The following CRHR2 variants were observed in gnomAD, a reference collection of about 807,000 sequenced individuals.
CRHR2 encodes the protein corticotropin releasing hormone receptor 2.
In CRHR2, 53 loss-of-function variants were observed where a neutral mutation model predicts 57.9. That is an observed-to-expected ratio of 0.92 (90% CI 0.73 to 1.15). CRHR2 has a LOEUF of 1.15. Among genes scored for constraint, CRHR2 ranks in the 50% most tolerant of loss-of-function variants. CRHR2 has a pLI of 0.00. For synonymous variants in CRHR2, 213 were observed against 220.9 expected (o/e 0.96, Z 0.32); for missense variants, 532 against 542.6 (o/e 0.98, Z 0.19).
chr7:30,688,942 T>C (rs1784906056), intron 2 of CRHR2: 1 of 606,208 alleles, frequency 1.6e-6, no homozygotes, highest in South Asian at 1.5e-5. Context: ...CTGACTTCCA[T>C]CGTGGGAGCT....
upstream of CRHR2, among the ~76,000 whole-genome samples, chr7:30,683,587 C>A (rs1347459660): frequency 1.3e-5 from 2 of 152,178 alleles, no homozygotes; most frequent in Non-Finnish European, 2.9e-5. Flanking sequence ...TTTGGTCCAG[C>A]CTCTGACTCT....
intron 5 of CRHR2, among the ~76,000 whole-genome samples, chr7:30,663,505 A>G (rs891050364): frequency 6.6e-6 from 1 of 152,186 alleles, no homozygotes; most frequent in Non-Finnish European, 1.5e-5. Flanking sequence ...AGAGGATGGC[A>G]AAGACAGGCA....
intron 1 of CRHR2, among the ~76,000 whole-genome samples, chr7:30,697,572 A>G (rs1370408629): frequency 6.6e-6 from 1 of 152,030 alleles, no homozygotes; most frequent in Non-Finnish European, 1.5e-5. Flanking sequence ...GGGTTCCTCC[A>G]GGCTCTCAGT....
chr7:30,682,855 G>T (rs1784772158), upstream of CRHR2, among the ~76,000 whole-genome samples: 1 of 152,272 alleles, frequency 6.6e-6, no homozygotes, highest in Non-Finnish European at 1.5e-5. Context: ...CCTGAGCGAG[G>T]ACACTGGAGG....
At chr7:30,672,994 C>G (rs1784412699) in intron 2 of CRHR2, among the ~76,000 whole-genome samples, 2 of 152,188 alleles carry the variant, frequency 1.3e-5, no homozygotes, top group South Asian at 2.1e-4. Context: ...CCCTGTGACC[C>G]TGTGTTTCAG....
Position 30,655,602 on chromosome 7 carries a change from T to A in CRHR2, c.1031A>T (p.Asn344Ile). 1 of 1,613,082 alleles carries A rather than the reference T, an allele frequency of 6.2e-7. No individual in the cohort carries two copies. Among genetic ancestry groups the A allele is most frequent in the South Asian group, 1.1e-5 (1 of 91,002 alleles). The change falls in exon 10 of 12, where the codon AAC (asparagine) becomes ATC (isoleucine). Residue 344 changes from asparagine to isoleucine, a missense_variant. Transcript: ENST00000471646. ...CACCTGGAACGACTGCAGGAAGGAG[T>A]TGAAATAGATGAACATGATCTGTGA... ...DLSQIMFIYFNSFLQSFQGFF... is the reference protein window; with the variant it reads ...DLSQIMFIYFISFLQSFQGFF...
In CRHR2 at chr7:30,655,928, T is replaced by G. The variant is rs771508539; in HGVS notation, c.916A>C (p.Arg306=). ...ASTTSETIQY[R]KAVKATLVLL... ...GGGTCAAGGGACCCCCTCACATACCTGTACTGGATTGTCTCGGATGTGGTG... is the reference window on the plus strand; with the variant it reads ...GGGTCAAGGGACCCCCTCACATACCGGTACTGGATTGTCTCGGATGTGGTG... Residue 306 remains arginine (R), a splice_region_variant and synonymous_variant, in exon 9 of 12, where the codon AGG becomes CGG. Transcript: ENST00000471646. 1 of 1,613,832 alleles carries G rather than the reference T, an allele frequency of 6.2e-7. No homozygotes were observed. Among genetic ancestry groups the G allele is most frequent in the Non-Finnish European group, 8.5e-7 (1 of 1,179,886 alleles).
Position 30,665,072 on chromosome 7 carries a change from C to T in CRHR2, c.541G>A (p.Glu181Lys). The T allele has an allele frequency of 1.2e-6, 2 of 1,613,722 alleles. No homozygotes were observed. ...CCCGAGTCTCCCCGAGCAATGACCT[C>T]ATTGCTCTCGTGCACTTCATGGTCA... ...LVDHEVHESN[E>K]VWCRCITTIF... Residue 181 changes from glutamate (E) to lysine (K), a missense_variant and splice_region_variant, in exon 5 of 12, where the codon GAG (glutamate) becomes AAG (lysine). Glu to Lys is a moderately conservative substitution (Grantham distance 56). Transcript: ENST00000471646. The surrounding 1 kb of genome is among the most constrained non-coding windows in gnomAD (Gnocchi z 4.5).
upstream of CRHR2, chr7:30,686,617 T>A: frequency 9.3e-7 from 1 of 1,070,920 alleles, no homozygotes; most frequent in Non-Finnish European, 1.4e-6. Context: ...AAGACCAGCC[T>A]ACAAAAAATA....
intron 5 of CRHR2, among the ~76,000 whole-genome samples, chr7:30,664,748 G>A (rs1351755208): frequency 6.6e-6 from 1 of 152,074 alleles, no homozygotes; most frequent in Admixed American, 6.5e-5. Flanking sequence ...CAGCCAGAAA[G>A]TCAGTTGTCA....
intron 2 of CRHR2, among the ~76,000 whole-genome samples, chr7:30,678,403 G>A (rs1784588394): frequency 1.3e-5 from 2 of 152,198 alleles, no homozygotes; most frequent in Admixed American, 6.5e-5. Context: ...CCACTGAAGC[G>A]CCAGCACAGG....
chr7:30,681,476 T>C (rs1310884404), intron 2 of CRHR2, among the ~76,000 whole-genome samples: 2 of 151,984 alleles, frequency 1.3e-5, no homozygotes, highest in African/African-American at 4.8e-5. Context: ...GGTAGTAGGG[T>C]CTGGTCACTG....
At chr7:30,671,056 C>T (rs1784337530) in intron 2 of CRHR2, among the ~76,000 whole-genome samples, 1 of 152,190 alleles carries the variant, frequency 6.6e-6, no homozygotes, top group Non-Finnish European at 1.5e-5. Context: ...GTCCTGAAGC[C>T]TGGCTGGGAC....
rs201966007 is a variant in CRHR2, at chr7:30,656,029, C to T, written c.832-17G>A. The T allele has an allele frequency of 8.6e-7, 1 of 1,160,064 alleles. No individual in the cohort carries two copies. Among genetic ancestry groups the T allele is most frequent in the Non-Finnish European group, 1.3e-6 (1 of 780,442 alleles). 71.9% of individuals were successfully genotyped at this position (1,160,064 alleles called of 1,614,324 possible). ...GAAATTGATCTGGAGGGAGGGCGGG[C>T]ATGGGAAAGAGGGAAAAGGAAGGAG... is the stretch of plus-strand genomic sequence containing the variant. On this transcript the variant is annotated splice_polypyrimidine_tract_variant and intron_variant, in intron 8 of 11. Transcript: ENST00000471646. The surrounding 1 kb of genome is among the most constrained non-coding windows in gnomAD (Gnocchi z 4.4).
Position 30,681,933 on chromosome 7 carries a change from C to T in CRHR2, c.211G>A (p.Val71Ile), listed in dbSNP as rs988846628. ...ERPCPEYFNG[V>I]KYNTTRNAYR... Reference sequence around the variant, plus strand: ...CACTCACGGGTCGTGTTGTACTTGACGCCGTTGAAGTACTCGGGGCACGGC... The same window carrying T: ...CACTCACGGGTCGTGTTGTACTTGATGCCGTTGAAGTACTCGGGGCACGGC... Residue 71 changes from valine (V) to isoleucine (I), a missense_variant, in exon 2 of 12, where the codon GTC becomes ATC. Transcript: ENST00000471646. The T allele has an allele frequency of 6.2e-7, 1 of 1,611,842 alleles. No individual in the cohort carries two copies. The highest frequency in any genetic ancestry group is 8.5e-7 in the Non-Finnish European group (1 of 1,179,384).
intron 2 of CRHR2, among the ~76,000 whole-genome samples, chr7:30,672,092 C>G (rs953697633): frequency 6.6e-6 from 1 of 152,342 alleles, no homozygotes; most frequent in African/African-American, 2.4e-5. Flanking sequence ...TCGGAGAGCT[C>G]CTAAGAACCA....
intron 2 of CRHR2, 36 bp downstream of exon 2, chr7:30,681,879 G>C (rs1472275289): frequency 1.3e-6 from 2 of 1,587,844 alleles, no homozygotes; most frequent in Admixed American, 3.6e-5. Context: ...TCAGGAGGCC[G>C]GTGTAGAGCA....
chr7:30,675,578 T>C (rs147277862), intron 2 of CRHR2, among the ~76,000 whole-genome samples: 27 of 152,272 alleles, frequency 1.8e-4, no homozygotes, highest in African/African-American at 6.0e-4. Context: ...TGATCTGGCT[T>C]ATTCTTCCCT....
intron 1 of CRHR2, among the ~76,000 whole-genome samples, chr7:30,689,449 G>T (rs191754245): frequency 4.6e-4 from 70 of 152,348 alleles, no homozygotes; most frequent in African/African-American, 1.6e-3. Context: ...CAGCAGTCTG[G>T]CCTGGGCTGG....
Sources: gnomAD v4.1 joint callset for allele counts (sites outside exome capture counted in the v4.1 genomes callset) on GRCh38, gnomAD v4.1.1 for gene constraint, Gnocchi (gnomAD v3.1) non-coding constraint, MANE v1.5 for transcripts, NCBI Gene and HGNC (gene_info 2026-07-23, HGNC 2026-07-21) for gene names.